FLT4: variants seen among roughly 807,000 people sequenced by gnomAD.
FLT4 encodes the protein vascular endothelial growth factor receptor 3.
In FLT4, 30 loss-of-function variants were observed where a neutral mutation model predicts 163.2. The ratio of observed to expected loss-of-function variants is 0.18; its 90% confidence interval spans 0.14 to 0.25. FLT4 has a LOEUF of 0.25. FLT4 is among the 10% of genes least tolerant of loss of function. The pLI, the probability that FLT4 is intolerant of heterozygous loss-of-function variation, is 1.00. For synonymous variants in FLT4, 884 were observed against 789.5 expected, an observed-to-expected ratio of 1.12 and a Z score of -2.01; for missense variants, 1,510 against 1,863.8, an observed-to-expected ratio of 0.81 and a Z score of 3.50.
intron 1 of FLT4, among the ~76,000 whole-genome samples, chr5:180,639,750 G>T (rs995551182): frequency 6.6e-6 from 1 of 152,180 alleles, no homozygotes; most frequent in Non-Finnish European, 1.5e-5. Flanking sequence ...CTCTGTGACT[G>T]CCCAGCCCCC....
chr5:180,627,234 C>T (rs1176961456), intron 8 of FLT4, among the ~76,000 whole-genome samples: 5 of 152,174 alleles, frequency 3.3e-5, no homozygotes, highest in African/African-American at 1.2e-4. Flanking sequence ...AGAGGCACAG[C>T]CCTCGGGCAG....
In FLT4 at chr5:180,626,174, G is replaced by C. The variant is rs541027883; in HGVS notation, c.1195C>G (p.Leu399Val). The C allele has an allele frequency of 1.9e-6, 3 of 1,612,896 alleles. No homozygotes were observed. The East Asian group carries it at 6.7e-5, about 36-fold the overall frequency. ...CCAGCAGCGGAGTTCCACAGGGCGA[G>C]GGTGTAGGTGCCTGTGCTGGCCTCT... ...VTEASTGTYTLALWNSAAGLR... is the reference protein window; with the variant it reads ...VTEASTGTYTVALWNSAAGLR... Residue 399 changes from leucine to valine, a missense_variant, in exon 9 of 30, where the codon CTC becomes GTC. Coordinates refer to ENST00000261937, the MANE Select transcript of FLT4 (RefSeq NM_182925.5).
chr5:180,613,270 C>T, intron 24 of FLT4, 160 bp from the exon 25 acceptor site: 1 of 574,680 alleles, frequency 1.7e-6, no homozygotes. Flanking sequence ...TGTGCTCTAC[C>T]TGGGACCTGT....
rs1762310674 is a variant in FLT4 at position 180,612,691 on chromosome 5, C to G, written c.3432-80G>C. On this transcript the variant is annotated intron_variant, in intron 25 of 29. Transcript: ENST00000261937. The stretch of plus-strand genomic sequence containing the variant: ...CTTCAGTGCCCCAGCCTTCCTGGGC[C>G]CTCTCACCCACTCTGCCCTCCTCCT... 7.9e-6 allele frequency: 8 copies of G among 1,012,804 alleles called. No individual in the cohort carries two copies. In the Admixed American group the frequency reaches 1.2e-4, roughly 15 times the overall value. The allele number at this position is 1,012,804 out of a possible 1,614,324, so 62.7% of individuals were successfully genotyped here.
At chr5:180,627,598 GCCATAGGAAGGGTGGGCA>G (rs1763728418) in intron 8 of FLT4, among the ~76,000 whole-genome samples, 1 of 152,232 alleles carries the variant, frequency 6.6e-6, no homozygotes, top group Non-Finnish European at 1.5e-5. Context: ...ATGTGCTGGT[GCCATAGGAAGGGTGGGCA>G]CCACAGGAAG....
rs542112704 is a variant in FLT4 at position 180,613,036 on chromosome 5, C to A, written c.3406G>T (p.Ala1136Ser). The change falls in exon 25 of 30, where the codon GCC becomes TCC. Residue 1136 changes from alanine (A) to serine (S), a missense_variant. By Grantham distance (99) the Ala-to-Ser change is moderately conservative. Coordinates refer to ENST00000261937, the MANE Select transcript of FLT4 (RefSeq NM_182925.5). The part of the protein sequence containing the change: ...QRLRDGTRMR[A>S]PELATPAIRR... Reference sequence around the variant, plus strand: ...ATGGCGGGAGTGGCCAGCTCCGGGGCCCTCATCCTTGTGCCGTCTCTCAGC... The same window carrying A: ...ATGGCGGGAGTGGCCAGCTCCGGGGACCTCATCCTTGTGCCGTCTCTCAGC... 1.2e-6 allele frequency: 2 copies of A among 1,613,356 alleles called. No individual in the cohort carries two copies. The highest frequency in any genetic ancestry group is 1.1e-5 in the South Asian group (1 of 91,020).
intron 1 of FLT4, among the ~76,000 whole-genome samples, chr5:180,640,852 C>T (rs1765047169): frequency 6.6e-6 from 1 of 152,190 alleles, no homozygotes; most frequent in South Asian, 2.1e-4. Flanking sequence ...TGTGCCATAC[C>T]CTGGTGGGAC....
chr5:180,613,051 C>T lies in FLT4; in HGVS notation c.3391G>A (p.Gly1131Ser), dbSNP rs1554109707. Residue 1131 changes from glycine (G) to serine (S), a missense_variant, in exon 25 of 30, where the codon GGC (glycine) becomes AGC (serine). Coordinates refer to ENST00000261937, the MANE Select transcript of FLT4 (RefSeq NM_182925.5). The stretch of plus-strand genomic sequence containing the variant: ...AGCTCCGGGGCCCTCATCCTTGTGC[C>T]GTCTCTCAGCCGCTGGCAGAACTCC... Reference protein sequence around the residue: ...NEEFCQRLRDGTRMRAPELAT... With the variant: ...NEEFCQRLRDSTRMRAPELAT... 2 of 1,613,618 alleles carry T rather than the reference C, an allele frequency of 1.2e-6. No homozygotes were observed. Among genetic ancestry groups the T allele is most frequent in the East Asian group, 2.2e-5 (1 of 44,862 alleles).
chr5:180,631,541 C>T (rs2127841467), intron 2 of FLT4, 141 bp downstream of exon 2: 2 of 718,128 alleles, frequency 2.8e-6, no homozygotes, highest in East Asian at 2.6e-5. Flanking sequence ...TCACCCACAG[C>T]CTGGGAGACC....
At chr5:180,613,999 G>T (rs1306891023) in intron 24 of FLT4, 69 bp downstream of exon 24, 2 of 1,058,706 alleles carry the variant, frequency 1.9e-6, no homozygotes, top group Non-Finnish European at 3.0e-6. Flanking sequence ...ACTCCAGCAG[G>T]GGCGGTCATG....
At position 180,629,016 on chromosome 5, in the gene FLT4, G is replaced by A. The variant is rs1561736003; in HGVS notation, c.986-17C>T. 1 of 1,599,500 alleles carries A rather than the reference G, an allele frequency of 6.3e-7. No homozygotes were observed. Among genetic ancestry groups the A allele is most frequent in the Admixed American group, 1.7e-5 (1 of 60,014 alleles). ...AGGGATTTTCTGCCGGACAGGAGAA[G>A]TCACTGTAAATCCAGGACTGACCCG... On this transcript the variant is annotated splice_polypyrimidine_tract_variant and intron_variant, in intron 7 of 29. Transcript: ENST00000261937.
At chr5:180,616,738 A>G (rs1762724044) in intron 22 of FLT4, among the ~76,000 whole-genome samples, 162 bp downstream of exon 22, 1 of 152,208 alleles carries the variant, frequency 6.6e-6, no homozygotes, top group Non-Finnish European at 1.5e-5. Context: ...AGACCTTGGG[A>G]GGTCAACTCC....
intron 1 of FLT4, among the ~76,000 whole-genome samples, chr5:180,639,402 G>A (rs1299009572): frequency 6.6e-6 from 1 of 151,178 alleles, no homozygotes; most frequent in African/African-American, 2.4e-5. Context: ...TGGATGGACG[G>A]ATGGATGAGT....
chr5:180,605,841 C>A (rs911186208), intron 29 of FLT4, among the ~76,000 whole-genome samples: 9 of 152,166 alleles, frequency 5.9e-5, no homozygotes, highest in African/African-American at 1.7e-4. Flanking sequence ...AGGTGAAAAG[C>A]CACATCTATA....
intron 8 of FLT4, among the ~76,000 whole-genome samples, chr5:180,627,372 G>T (rs969143014): frequency 6.6e-6 from 1 of 152,182 alleles, no homozygotes; most frequent in Non-Finnish European, 1.5e-5. Context: ...CTGAGGTGGT[G>T]CTGTCTGCAT....
intron 1 of FLT4, among the ~76,000 whole-genome samples, chr5:180,645,507 T>A (rs1468969261): frequency 6.6e-6 from 1 of 152,166 alleles, no homozygotes; most frequent in African/African-American, 2.4e-5. Flanking sequence ...AAGAGGGAAA[T>A]GCAGGCAGGA....
In FLT4 at chr5:180,630,234, C is replaced by T. The variant is rs145513301; in HGVS notation, c.504G>A (p.Thr168=). Reference sequence around the variant, plus strand: ...TGGGGTGGGGCCGTACCGAGCGCAGCGTGACATTGAGGCCGGGGATGGACA... The same window carrying T: ...TGGGGTGGGGCCGTACCGAGCGCAGTGTGACATTGAGGCCGGGGATGGACA... The part of the protein sequence containing the change: ...CLVSIPGLNV[T]LRSQSSVLWP... Residue 168 remains threonine (T), a synonymous_variant, in exon 4 of 30, where the codon ACG becomes ACA. Transcript: ENST00000261937. This position sits in a 1 kb window ranked among gnomAD's most constrained non-coding sequence, Gnocchi z 6.3. 273 of 1,612,040 alleles carry T rather than the reference C, an allele frequency of 1.7e-4. No individual in the cohort carries two copies. The highest frequency in any genetic ancestry group is 2.8e-4 in the Admixed American group (17 of 59,994).
rs763819522 is a variant in FLT4 at position 180,613,080 on chromosome 5, T to C, written c.3362A>G (p.Asn1121Ser). The change falls in exon 25 of 30, where the codon AAT (asparagine) becomes AGT (serine). Residue 1121 changes from asparagine (N) to serine (S), a missense_variant. By Grantham distance (46) the Asn-to-Ser change is conservative. Transcript: ENST00000261937. ...TCTCAGCCGCTGGCAGAACTCCTCA[T>C]TGATCTGCACCCCAGGGTACGGGGA... is the stretch of plus-strand genomic sequence containing the variant. ...GASPYPGVQI[N>S]EEFCQRLRDG... The C allele has an allele frequency of 5.0e-6, 8 of 1,613,658 alleles. No homozygotes were observed. Among genetic ancestry groups the C allele is most frequent in the South Asian group, 1.1e-5 (1 of 91,056 alleles).
At chr5:180,613,754 C>T (rs1762398992) in intron 24 of FLT4, 1 of 448,662 alleles carries the variant, frequency 2.2e-6, no homozygotes, top group African/African-American at 2.0e-5. Flanking sequence ...GCTCTTGGAG[C>T]TCTTGGAGTA....
Sources: allele counts gnomAD v4.1 joint callset (sites outside exome capture counted in the v4.1 genomes callset), GRCh38; gene constraint gnomAD v4.1.1; non-coding constraint Gnocchi (gnomAD v3.1); transcripts MANE v1.5; gene names NCBI Gene and HGNC (gene_info 2026-07-23, HGNC 2026-07-21).